Variants in ENPP1 observed in about 807,000 individuals in gnomAD.
ENPP1 encodes the protein ectonucleotide pyrophosphatase/phosphodiesterase family member 1.
ENPP1 carries 73 observed loss-of-function variants against 122.8 expected under a neutral mutation model. That is an observed-to-expected ratio of 0.59 (90% confidence interval 0.49 to 0.72). The LOEUF (loss-of-function observed/expected upper bound fraction) is 0.72, where lower values mean the gene tolerates loss of function less well. Among genes scored for constraint, ENPP1 ranks in the 30% least tolerant of loss-of-function variants. The probability of loss-of-function intolerance (pLI) is 0.00; values close to 1 mark genes in which losing one functional copy is unlikely to be tolerated. For missense variants in ENPP1, 978 were observed against 1,128.1 expected (o/e 0.87, Z 1.91); for synonymous variants, 367 against 391.6 (o/e 0.94, Z 0.74).
At chr6:131,882,240 C>T in intron 20 of ENPP1, 105 bp from the exon 21 acceptor site, 1 of 936,828 alleles carries the variant, frequency 1.1e-6, no homozygotes, top group Non-Finnish European at 1.7e-6. Context: ...GAGCTGACAG[C>T]TAGAGCTTCA....
chr6:131,841,745 G>A (rs1037219087), intron 1 of ENPP1, among the ~76,000 whole-genome samples: 1 of 152,200 alleles, frequency 6.6e-6, no homozygotes, highest in Non-Finnish European at 1.5e-5. Context: ...GTCAGAGACA[G>A]ACAAATCTTA....
intron 1 of ENPP1, among the ~76,000 whole-genome samples, chr6:131,846,237 G>A (rs1336270063): frequency 6.6e-6 from 1 of 152,166 alleles, no homozygotes; most frequent in East Asian, 1.9e-4. Flanking sequence ...CATTCCTCCT[G>A]TCTCTATTAT....
At chr6:131,835,604 A>G (rs1781664233) in intron 1 of ENPP1, among the ~76,000 whole-genome samples, 1 of 152,068 alleles carries the variant, frequency 6.6e-6, no homozygotes, top group Non-Finnish European at 1.5e-5. Flanking sequence ...ACATGTGCAG[A>G]ATGTGCAGGT....
intron 23 of ENPP1, 75 bp downstream of exon 23, chr6:131,885,138 C>A: frequency 7.0e-7 from 1 of 1,435,084 alleles, no homozygotes; most frequent in Non-Finnish European, 9.8e-7. Flanking sequence ...CCAGTTGAGT[C>A]AACAGAACCT....
intron 1 of ENPP1, among the ~76,000 whole-genome samples, chr6:131,812,189 A>C (rs2114648527): frequency 6.6e-6 from 1 of 152,352 alleles, no homozygotes. Flanking sequence ...AGCATAATCA[A>C]TTTAAGAATC....
intron 1 of ENPP1, 91 bp downstream of exon 1, chr6:131,808,366 C>T: frequency 1.5e-6 from 2 of 1,357,618 alleles, no homozygotes; most frequent in Non-Finnish European, 1.9e-6. Context: ...CAGTCAGCAC[C>T]GGGCACCGGA....
chr6:131,873,131 A>G, intron 15 of ENPP1, 81 bp downstream of exon 15: 1 of 1,452,870 alleles, frequency 6.9e-7, no homozygotes, highest in Admixed American at 1.7e-5. Context: ...TTCTAACAAT[A>G]TTGTTATGTG....
At chr6:131,808,329 C>A in intron 1 of ENPP1, 54 bp downstream of exon 1, 1 of 1,449,022 alleles carries the variant, frequency 6.9e-7, no homozygotes, top group Non-Finnish European at 9.1e-7. Context: ...ACGGGGAGGG[C>A]GGCGCCGAGC....
At chr6:131,826,280 G>C (rs749186819) in intron 1 of ENPP1, 377 of 1,307,494 alleles carry the variant, frequency 2.9e-4, no homozygotes, top group Non-Finnish European at 3.4e-4. Flanking sequence ...GCACAGTACT[G>C]CAAATTACTC....
chr6:131,885,146 C>G (rs978312950), intron 23 of ENPP1, 83 bp downstream of exon 23: 3 of 1,323,256 alleles, frequency 2.3e-6, no homozygotes, highest in African/African-American at 1.4e-5. Context: ...GTCAACAGAA[C>G]CTTTTTTATC....
chr6:131,828,548 G>C (rs568284394), intron 1 of ENPP1: 2 of 175,750 alleles, frequency 1.1e-5, no homozygotes, highest in East Asian at 3.6e-4. Flanking sequence ...TCCTATGAAT[G>C]CTGGCCAACT....
chr6:131,818,504 C>T (rs777244218), intron 1 of ENPP1, among the ~76,000 whole-genome samples: 1 of 152,044 alleles, frequency 6.6e-6, no homozygotes. Context: ...AAAAATTAGC[C>T]GGGCATGGTG....
chr6:131,847,858 TGTG>T lies in ENPP1; in HGVS notation c.313+11_313+13del, dbSNP rs371265124. 0.087 allele frequency: 38,425 copies of T among 441,028 alleles called. 529 individuals are homozygous for T. The highest frequency in any genetic ancestry group is 0.18 in the Middle Eastern group (281 of 1,534). The allele number at this position is 441,028 out of a possible 1,614,324, so 27.3% of individuals were successfully genotyped here. On this transcript the variant is annotated intron_variant, in intron 2 of 24. Coordinates refer to ENST00000647893, the MANE Select transcript of ENPP1 (RefSeq NM_006208.3). ...AGCTGTGCCAAAGAAGGTAATTAGG[TGTG>T]TGTGTGTGTGTGTGTGTGTGTGTGT...
intron 1 of ENPP1, among the ~76,000 whole-genome samples, chr6:131,810,401 T>C (rs1447927654): frequency 6.6e-6 from 1 of 151,896 alleles, no homozygotes; most frequent in Non-Finnish European, 1.5e-5. Flanking sequence ...TGCAAACTCG[T>C]ATTCTTCTTT....
At chr6:131,877,862 AAAAAATATATAT>A (rs1782251974) in intron 18 of ENPP1, 1 of 98,680 alleles carries the variant, frequency 1.0e-5, no homozygotes, top group African/African-American at 4.2e-5. Context: ...AAAAAAAAAA[AAAAAATATATAT>A]ATATATATAT....
intron 1 of ENPP1, among the ~76,000 whole-genome samples, chr6:131,818,753 A>G (rs1311888054): frequency 6.6e-6 from 1 of 152,204 alleles, no homozygotes; most frequent in Admixed American, 6.5e-5. Flanking sequence ...TGCATGTAGC[A>G]TATCTGCTGC....
rs758836626 is a variant in ENPP1, at chr6:131,827,899, A to G, written c.240+19624A>G. 4.3e-5 allele frequency: 58 copies of G among 1,345,802 alleles called. No homozygotes were observed. In the Middle Eastern group the frequency reaches 3.3e-3, roughly 76 times the overall value. 83.4% of individuals were successfully genotyped at this position (1,345,802 alleles called of 1,614,324 possible). On this transcript the variant is annotated intron_variant, in intron 1 of 24. Transcript: ENST00000647893. The stretch of plus-strand genomic sequence containing the variant: ...CAGAGGCCTCACTGACTGCTCGGCC[A>G]CTGTTTCTGACAGGGTGCAGGTGGT...
chr6:131,851,046 C>G, intron 3 of ENPP1, 96 bp from the exon 4 acceptor site: 1 of 1,380,688 alleles, frequency 7.2e-7, no homozygotes, highest in Non-Finnish European at 1.0e-6. Context: ...TTCATTGTTG[C>G]TCATGGATCA....
Position 131,875,513 on chromosome 6 carries a change from G to GA in ENPP1, c.1636-254dup, listed in dbSNP as rs139777112. ...GAGGTTTATATTGCATGTCATAGAT[G>GA]AAAAAAAAATGTTATCATTCATTCT... On this transcript the variant is annotated intron_variant, in intron 16 of 24. Transcript: ENST00000647893. Among the ~76,000 whole-genome samples, 2,241 of 150,626 alleles carry GA rather than the reference G, an allele frequency of 0.015. 57 individuals carry two copies. The highest frequency in any genetic ancestry group is 0.048 in the African/African-American group (1,989 of 41,144).
Sources: allele counts gnomAD v4.1 joint callset (sites outside exome capture counted in the v4.1 genomes callset), GRCh38; gene constraint gnomAD v4.1.1; transcripts MANE v1.5; gene names NCBI Gene and HGNC (gene_info 2026-07-23, HGNC 2026-07-21).